The following BCAR1 variants were observed in gnomAD, a reference collection of about 807,000 sequenced individuals.
BCAR1 encodes the protein BCAR1 scaffold protein, Cas family member, also known as breast cancer anti-estrogen resistance protein 1.
Under a neutral mutation model 67.6 loss-of-function variants are expected in BCAR1, and 30 were observed. The observed-to-expected ratio is 0.44, with a 90% CI of 0.33 to 0.60. The LOEUF (loss-of-function observed/expected upper bound fraction) is 0.60, where lower values mean the gene tolerates loss of function less well. Ranked by LOEUF, BCAR1 falls within the 20% of genes least tolerant of loss-of-function variation. The pLI is 0.02. For missense variants in BCAR1, 1,313 were observed against 1,222.3 expected, an observed-to-expected ratio of 1.07 and a Z score of -1.11; for synonymous variants, 626 against 556.7, an observed-to-expected ratio of 1.12 and a Z score of -1.75.
Position 75,229,622 on chromosome 16 carries a change from G to C in BCAR1, c.2502C>G (p.Ala834=). 1.9e-6 allele frequency: 3 copies of C among 1,612,528 alleles called. No homozygotes were observed. The highest frequency in any genetic ancestry group is 2.5e-6 in the Non-Finnish European group (3 of 1,179,826). The part of the protein sequence containing the change: ...RGIVATTKAA[A]LQYPSPSAAQ... ...CCGCGGAAGGCGATGGGTACTGCAA[G>C]GCAGCGGCCTTGGTGGTGGCCACGA... is the stretch of plus-strand genomic sequence containing the variant. The change falls in exon 7 of 7, where the codon GCC becomes GCG. Residue 834 remains alanine, a synonymous_variant. Coordinates refer to ENST00000162330, the MANE Select transcript of BCAR1 (RefSeq NM_014567.5).
chr16:75,251,397 C>T, intron 1 of BCAR1, 74 bp downstream of exon 1: 3 of 1,468,612 alleles, frequency 2.0e-6, no homozygotes, highest in South Asian at 1.3e-5. Context: ...CAGGAAATGC[C>T]GCTCGCTTAA....
At position 75,237,218 on chromosome 16, in the gene BCAR1, C is replaced by A; in HGVS notation, c.760G>T (p.Val254Phe). 6.4e-7 allele frequency: 1 copy of A among 1,567,540 alleles called. No homozygotes were observed. The highest frequency in any genetic ancestry group is 8.6e-7 in the Non-Finnish European group (1 of 1,158,982). Reference sequence around the variant, plus strand: ...TACTGGCTGGGAAGCAGCCCCCGAACCGGGGGCACATCATAGATGTCCTGT... The same window carrying A: ...TACTGGCTGGGAAGCAGCCCCCGAAACGGGGGCACATCATAGATGTCCTGT... ...GPQDIYDVPP[V>F]RGLLPSQYGQ... Residue 254 changes from valine to phenylalanine, a missense_variant, in exon 3 of 7, where the codon GTT (valine) becomes TTT (phenylalanine). Val to Phe is a conservative substitution (Grantham distance 50). Coordinates refer to ENST00000162330, the MANE Select transcript of BCAR1 (RefSeq NM_014567.5).
chr16:75,245,554 G>A (rs1293406870), intron 1 of BCAR1, among the ~76,000 whole-genome samples: 3 of 152,336 alleles, frequency 2.0e-5, no homozygotes, highest in South Asian at 2.1e-4. Context: ...CCAGGTGAGC[G>A]GCTGGGGCCT....
chr16:75,229,413 C>T lies in BCAR1; in HGVS notation c.*98G>A, dbSNP rs2076813754. 3.5e-6 allele frequency: 5 copies of T among 1,421,044 alleles called. No homozygotes were observed. Among genetic ancestry groups the T allele is most frequent in the Non-Finnish European group, 3.7e-6 (4 of 1,084,958 alleles). 88.0% of individuals were successfully genotyped at this position (1,421,044 alleles called of 1,614,324 possible). On this transcript the variant is annotated 3_prime_UTR_variant, in exon 7 of 7. Coordinates refer to ENST00000162330, the MANE Select transcript of BCAR1 (RefSeq NM_014567.5). ...ACCAGGACCGACGCAGAGCTGGGGT[C>T]CTGTCCCTAAGCCTGTGGCACAGCG...
chr16:75,262,483 G>A (rs1333432895), intron 1 of BCAR1, among the ~76,000 whole-genome samples: 1 of 152,240 alleles, frequency 6.6e-6, no homozygotes, highest in Non-Finnish European at 1.5e-5. Flanking sequence ...GCTGGCTGGA[G>A]ATCACTTCCT....
upstream of BCAR1, among the ~76,000 whole-genome samples, chr16:75,254,831 A>G (rs1186741718): frequency 6.6e-6 from 1 of 152,150 alleles, no homozygotes; most frequent in Non-Finnish European, 1.5e-5. Context: ...TTTGTACAGA[A>G]AACAGGTGGA....
In BCAR1 at chr16:75,229,365, A is replaced by G; in HGVS notation, c.*146T>C. 3 of 1,266,182 alleles carry G rather than the reference A, an allele frequency of 2.4e-6. No homozygotes were observed. Among genetic ancestry groups the G allele is most frequent in the Non-Finnish European group, 3.2e-6 (3 of 948,846 alleles). The allele number at this position is 1,266,182 out of a possible 1,614,324, so 78.4% of individuals were successfully genotyped here. Reference sequence around the variant, plus strand: ...ACACCCTGCCCGGCCATAAATATATACAGATTCCTGGGCATCCAGGGCACC... The same window carrying G: ...ACACCCTGCCCGGCCATAAATATATGCAGATTCCTGGGCATCCAGGGCACC... On this transcript the variant is annotated 3_prime_UTR_variant, in exon 7 of 7. Coordinates refer to ENST00000162330, the MANE Select transcript of BCAR1 (RefSeq NM_014567.5).
chr16:75,248,346 A>C, intron 1 of BCAR1: 1 of 1,333,844 alleles, frequency 7.5e-7, no homozygotes. Flanking sequence ...CATACCCAGA[A>C]CCATCACAAA....
chr16:75,237,106 G>A, intron 3 of BCAR1, 77 bp downstream of exon 3: 1 of 1,504,952 alleles, frequency 6.6e-7, no homozygotes, highest in Non-Finnish European at 8.9e-7. Context: ...CTGAGAAGAT[G>A]CAGCTCTCGG....
rs1002974099 is a variant in BCAR1 at position 75,236,238 on chromosome 16, G to A, written c.913-252C>T. The A allele has an allele frequency of 1.1e-5, 6 of 543,138 alleles. No homozygotes were observed. In the East Asian group the frequency reaches 1.3e-4, roughly 12 times the overall value. The allele number at this position is 543,138 out of a possible 1,614,324, so 33.6% of individuals were successfully genotyped here. On this transcript the variant is annotated intron_variant, in intron 4 of 6. Coordinates refer to ENST00000162330, the MANE Select transcript of BCAR1 (RefSeq NM_014567.5). ...ATCCATGACAGCTCTGGGACGAGCC[G>A]GCTCTGGAGCCAGGTGACCACCCCT...
chr16:75,231,153 G>C (rs2076887117), intron 6 of BCAR1, among the ~76,000 whole-genome samples: 1 of 149,574 alleles, frequency 6.7e-6, no homozygotes, highest in African/African-American at 2.5e-5. Context: ...CTGAAGTGAA[G>C]TGGCACGATC....
chr16:75,241,540 G>A (rs1567604964), intron 2 of BCAR1, among the ~76,000 whole-genome samples: 1 of 152,172 alleles, frequency 6.6e-6, no homozygotes, highest in South Asian at 2.1e-4. Flanking sequence ...AGCCAGGCTC[G>A]CCTCTGACCA....
intron 1 of BCAR1, among the ~76,000 whole-genome samples, chr16:75,267,481 C>T (rs922390007): frequency 6.6e-6 from 1 of 152,090 alleles, no homozygotes; most frequent in Non-Finnish European, 1.5e-5. Flanking sequence ...CTGCCCGTGC[C>T]CACCCGCCCG....
chr16:75,228,471 G>C lies in BCAR1; in HGVS notation c.*1040C>G, dbSNP rs1426473795. 2.0e-5 allele frequency: 3 copies of C among 152,382 alleles called. No homozygotes were observed. The highest frequency in any genetic ancestry group is 1.9e-4 in the East Asian group (1 of 5,196). 9.4% of individuals were successfully genotyped at this position (152,382 alleles called of 1,614,324 possible). On this transcript the variant is annotated 3_prime_UTR_variant, in exon 7 of 7. Transcript: ENST00000162330. ...CTGCTGGGTGGGGGAGCCACGAAGG[G>C]GGACACACTTGCCCAGGGCAAGGGT...
At chr16:75,257,737 G>GTT (rs1177666452) in intron 1 of BCAR1, among the ~76,000 whole-genome samples, 3 of 152,200 alleles carry the variant, frequency 2.0e-5, no homozygotes, top group Non-Finnish European at 4.4e-5. Flanking sequence ...GATTATAAGC[G>GTT]TAAGCCACTG....
At chr16:75,234,416 C>T (rs542366159) in intron 5 of BCAR1, among the ~76,000 whole-genome samples, 1 of 152,324 alleles carries the variant, frequency 6.6e-6, no homozygotes, top group African/African-American at 2.4e-5. Context: ...CACCCAATCC[C>T]TCCCCCTTGG....
chr16:75,261,025 C>T (rs1219952568), intron 1 of BCAR1, among the ~76,000 whole-genome samples: 1 of 152,182 alleles, frequency 6.6e-6, no homozygotes, highest in African/African-American at 2.4e-5. Context: ...GACTGAAAAA[C>T]CTTCCCAGCC....
intron 1 of BCAR1, among the ~76,000 whole-genome samples, chr16:75,267,376 A>AGCAGG (rs1049389999): frequency 7.8e-6 from 1 of 127,894 alleles, no homozygotes; most frequent in African/African-American, 3.0e-5. Context: ...GGAGGGGCCA[A>AGCAGG]GCAGGGCCAC....
At chr16:75,261,786 C>T (rs1329306417) in intron 1 of BCAR1, among the ~76,000 whole-genome samples, 1 of 152,208 alleles carries the variant, frequency 6.6e-6, no homozygotes, top group Non-Finnish European at 1.5e-5. Context: ...CCACAGAACC[C>T]TAGGGGCAGA....
Sources: gnomAD v4.1 joint callset for allele counts (sites outside exome capture counted in the v4.1 genomes callset) on GRCh38, gnomAD v4.1.1 for gene constraint, MANE v1.5 for transcripts, NCBI Gene and HGNC (gene_info 2026-07-23, HGNC 2026-07-21) for gene names.